Variants in ADAMTS6 observed in about 807,000 individuals in gnomAD.
ADAMTS6 encodes the protein ADAM metallopeptidase with thrombospondin type 1 motif 6.
A neutral mutation model predicts 144.3 loss-of-function variants in ADAMTS6; 23 were observed. That is an observed-to-expected ratio of 0.16 (90% CI 0.11 to 0.23). The LOEUF is 0.23. Among genes scored for constraint, ADAMTS6 ranks in the 10% least tolerant of loss-of-function variants. The pLI, the probability that ADAMTS6 is intolerant of heterozygous loss-of-function variation, is 1.00. For synonymous variants in ADAMTS6, 444 were observed against 457.5 expected (o/e 0.97, Z 0.38); for missense variants, 999 against 1,379.6 (o/e 0.72, Z 4.37).
intron 21 of ADAMTS6, among the ~76,000 whole-genome samples, chr5:65,194,249 C>T (rs1047928129): frequency 6.6e-6 from 1 of 152,218 alleles, no homozygotes; most frequent in Non-Finnish European, 1.5e-5. Context: ...AAGCAATACA[C>T]ATTTAGTAGA....
At chr5:65,242,880 A>C (rs998605808) in intron 14 of ADAMTS6, among the ~76,000 whole-genome samples, 1 of 152,092 alleles carries the variant, frequency 6.6e-6, no homozygotes, top group Non-Finnish European at 1.5e-5. Context: ...GGATGTTAAG[A>C]GGGTGAAAAA....
intron 7 of ADAMTS6, among the ~76,000 whole-genome samples, chr5:65,390,113 TA>T (rs1033319258): frequency 6.6e-6 from 1 of 152,200 alleles, no homozygotes; most frequent in African/African-American, 2.4e-5. Flanking sequence ...TATTCATTTA[TA>T]TATGGCCTGT....
intron 7 of ADAMTS6, among the ~76,000 whole-genome samples, chr5:65,359,208 A>G (rs1749604321): frequency 6.6e-6 from 1 of 152,156 alleles, no homozygotes; most frequent in Admixed American, 6.6e-5. Flanking sequence ...TTAAAAATGT[A>G]CAAAGAATCT....
At chr5:65,296,545 T>TA (rs978015714) in intron 10 of ADAMTS6, among the ~76,000 whole-genome samples, 1 of 152,210 alleles carries the variant, frequency 6.6e-6, no homozygotes. Context: ...GCCAAGCTCT[T>TA]AGATTCTACA....
At chr5:65,402,562 G>A (rs1046339555) in intron 7 of ADAMTS6, among the ~76,000 whole-genome samples, 3 of 151,926 alleles carry the variant, frequency 2.0e-5, no homozygotes, top group Non-Finnish European at 4.4e-5. Flanking sequence ...ATTTCACTGA[G>A]AAAATAGAAA....
intron 22 of ADAMTS6, among the ~76,000 whole-genome samples, chr5:65,183,971 T>C (rs1265402526): frequency 6.6e-6 from 1 of 152,216 alleles, no homozygotes; most frequent in Non-Finnish European, 1.5e-5. Flanking sequence ...GGGTAGAAGA[T>C]ATTATAAAAT....
At chr5:65,186,671 A>G (rs1434947573) in intron 22 of ADAMTS6, among the ~76,000 whole-genome samples, 1 of 152,210 alleles carries the variant, frequency 6.6e-6, no homozygotes, top group Admixed American at 6.5e-5. Flanking sequence ...CCCGTTAGGG[A>G]ACAGGAGAGT....
intron 9 of ADAMTS6, among the ~76,000 whole-genome samples, chr5:65,314,648 T>C (rs573297540): frequency 6.6e-6 from 1 of 152,136 alleles, no homozygotes. Flanking sequence ...CTTGAAAGAA[T>C]ACAGAGAAAA....
chr5:65,183,829 T>C (rs1215226382), intron 22 of ADAMTS6, among the ~76,000 whole-genome samples: 1 of 152,182 alleles, frequency 6.6e-6, no homozygotes, highest in African/African-American at 2.4e-5. Context: ...AACTTTTGAG[T>C]GTGCATTAAA....
chr5:65,361,629 G>T (rs1749827977), intron 7 of ADAMTS6, among the ~76,000 whole-genome samples: 1 of 152,150 alleles, frequency 6.6e-6, no homozygotes, highest in South Asian at 2.1e-4. Context: ...GGCTAGAAAT[G>T]GTACCTTAGC....
intron 22 of ADAMTS6, among the ~76,000 whole-genome samples, chr5:65,181,957 C>CT (rs1461142311): frequency 5.9e-5 from 9 of 152,282 alleles, no homozygotes; most frequent in Admixed American, 4.6e-4. Context: ...ATTCTAATAA[C>CT]TTTTTCCAGT....
At chr5:65,223,148 A>G (rs1295323750) in intron 18 of ADAMTS6, among the ~76,000 whole-genome samples, 2 of 152,190 alleles carry the variant, frequency 1.3e-5, no homozygotes, top group Non-Finnish European at 2.9e-5. Flanking sequence ...AATATAAAAT[A>G]ATACATCCAT....
Position 65,151,889 on chromosome 5 carries a change from A to G in ADAMTS6, c.3301T>C (p.Cys1101Arg). 1 of 1,614,016 alleles carries G rather than the reference A, an allele frequency of 6.2e-7. No homozygotes were observed. Among genetic ancestry groups the G allele is most frequent in the Non-Finnish European group, 8.5e-7 (1 of 1,179,878 alleles). The change falls in exon 25 of 25, where the codon TGC (cysteine) becomes CGC (arginine). Residue 1101 changes from cysteine to arginine, a missense_variant. Cys to Arg is a radical substitution (Grantham distance 180). Coordinates refer to ENST00000381055, the MANE Select transcript of ADAMTS6 (RefSeq NM_197941.4). ...YCPLVLKFKF[C>R]SRAYFRQMCC... is the part of the protein sequence containing the mutation. ...ATCTGTCTGAAGTATGCTCGACTGC[A>G]GAACTTGAACTTCAGCACCAGTGGG... is the stretch of plus-strand genomic sequence containing the variant.
chr5:65,411,142 T>C (rs1425223505), intron 7 of ADAMTS6, among the ~76,000 whole-genome samples: 1 of 152,166 alleles, frequency 6.6e-6, no homozygotes, highest in South Asian at 2.1e-4. Flanking sequence ...CTGGCCTGCT[T>C]CTTTTTTAAG....
chr5:65,151,117 T>C lies in ADAMTS6; in HGVS notation c.*719A>G, dbSNP rs1752120331. 2 of 152,674 alleles carry C rather than the reference T, an allele frequency of 1.3e-5. No homozygotes were observed. The highest frequency in any genetic ancestry group is 2.9e-5 in the Non-Finnish European group (2 of 68,034). The allele number at this position is 152,674 out of a possible 1,614,324, so 9.5% of individuals were successfully genotyped here. On this transcript the variant is annotated 3_prime_UTR_variant, in exon 25 of 25. Coordinates refer to ENST00000381055, the MANE Select transcript of ADAMTS6 (RefSeq NM_197941.4). ...CCACAGTCTTTCAGCACTGAGTTTA[T>C]AGACTTGCACAGCTGCAGTAACTGA...
chr5:65,404,764 A>C (rs1457121886), intron 7 of ADAMTS6, among the ~76,000 whole-genome samples: 1 of 152,188 alleles, frequency 6.6e-6, no homozygotes, highest in Non-Finnish European at 1.5e-5. Flanking sequence ...TCCCACCAAC[A>C]GTGTAAAGTG....
intron 7 of ADAMTS6, among the ~76,000 whole-genome samples, chr5:65,364,564 CTT>C (rs1245835544): frequency 1.4e-4 from 17 of 117,852 alleles, no homozygotes; most frequent in African/African-American, 3.6e-4. Flanking sequence ...GAATTTCTTT[CTT>C]TTTTTTTTTT....
intron 7 of ADAMTS6, among the ~76,000 whole-genome samples, chr5:65,381,211 G>A (rs986571857): frequency 6.6e-6 from 1 of 152,026 alleles, no homozygotes; most frequent in African/African-American, 2.4e-5. Context: ...CAAAAGGTCA[G>A]CAAAATGAAA....
rs144967357 is a variant in ADAMTS6 at position 65,450,229 on chromosome 5, G to A, written c.1073+1246C>T. ...AACATATATTAATATAGAACCATAC[G>A]ATTTTATTCAGCAAGCATGTCATAA... On this transcript the variant is annotated intron_variant, in intron 7 of 24. Coordinates refer to ENST00000381055, the MANE Select transcript of ADAMTS6 (RefSeq NM_197941.4). Among the ~76,000 whole-genome samples, 390 of 152,134 alleles carry A rather than the reference G, an allele frequency of 2.6e-3. 4 individuals carry two copies. The highest frequency in any genetic ancestry group is 9.1e-3 in the African/African-American group (377 of 41,520).
Sources: allele counts gnomAD v4.1 joint callset (sites outside exome capture counted in the v4.1 genomes callset), GRCh38; gene constraint gnomAD v4.1.1; transcripts MANE v1.5; gene names NCBI Gene and HGNC (gene_info 2026-07-23, HGNC 2026-07-21).